The following TXLNB variants were observed in gnomAD, a reference collection of about 807,000 sequenced individuals.
The protein encoded by TXLNB is beta-taxilin.
Under a neutral mutation model 57.4 loss-of-function variants are expected in TXLNB, and 37 were observed. The observed-to-expected ratio is 0.64, with a 90% CI of 0.50 to 0.85. The LOEUF (loss-of-function observed/expected upper bound fraction) is 0.85, where lower values mean the gene tolerates loss of function less well. Among genes scored for constraint, TXLNB ranks in the 40% least tolerant of loss-of-function variants. TXLNB has a pLI of 0.00. For synonymous variants in TXLNB, 302 were observed against 309.6 expected, an observed-to-expected ratio of 0.98 and a Z score of 0.26; for missense variants, 848 against 825.6, an observed-to-expected ratio of 1.03 and a Z score of -0.33.
the TXLNB span, among the ~76,000 whole-genome samples, chr6:139,212,573 A>C: frequency 2.6e-5 from 4 of 151,540 alleles, no homozygotes; most frequent in Admixed American, 1.3e-4. Context: ...GCATCAACTA[A>C]CGAGCAAAAT....
chr6:139,294,727 C>T (rs972603862), upstream of TXLNB, among the ~76,000 whole-genome samples: 5 of 152,150 alleles, frequency 3.3e-5, no homozygotes, highest in African/African-American at 9.7e-5. Context: ...CGCTGGCTCA[C>T]GGCTGTAATA....
chr6:139,198,973 T>C, the TXLNB span, among the ~76,000 whole-genome samples: 1 of 142,596 alleles, frequency 7.0e-6, no homozygotes, highest in African/African-American at 2.5e-5. Context: ...CTTTCTTCCT[T>C]TTTTTTTTTT....
the TXLNB span, chr6:139,167,364 A>G: frequency 1.4e-6 from 2 of 1,450,382 alleles, no homozygotes; most frequent in African/African-American, 1.4e-5. Context: ...TCTGTTTGTT[A>G]AAAACCAAAC....
chr6:139,209,537 G>C, the TXLNB span, among the ~76,000 whole-genome samples: 1 of 152,016 alleles, frequency 6.6e-6, no homozygotes, highest in Non-Finnish European at 1.5e-5. Context: ...CAATGGAACA[G>C]AATAGAGAAC....
chr6:139,216,126 A>G, the TXLNB span, among the ~76,000 whole-genome samples: 1 of 152,192 alleles, frequency 6.6e-6, no homozygotes, highest in African/African-American at 2.4e-5. Flanking sequence ...ATTACTGGGT[A>G]TATACCCAAA....
chr6:139,262,323 C>A (rs1230266096), intron 5 of TXLNB, among the ~76,000 whole-genome samples: 1 of 152,212 alleles, frequency 6.6e-6, no homozygotes, highest in Non-Finnish European at 1.5e-5. Context: ...TCAAGGAAAA[C>A]TGTGCCCACA....
intron 4 of TXLNB, among the ~76,000 whole-genome samples, chr6:139,267,701 A>C: frequency 6.6e-6 from 1 of 152,212 alleles, no homozygotes; most frequent in East Asian, 1.9e-4. Context: ...GAATGAAAAG[A>C]AGTAAGATCC....
At chr6:139,320,533 G>A in the TXLNB span, among the ~76,000 whole-genome samples, 1 of 152,056 alleles carries the variant, frequency 6.6e-6, no homozygotes, top group Non-Finnish European at 1.5e-5. Flanking sequence ...ACGAGACACT[G>A]GAAATCAAAT....
intron 8 of TXLNB, among the ~76,000 whole-genome samples, chr6:139,247,215 C>T (rs576051987): frequency 9.2e-5 from 14 of 152,192 alleles, no homozygotes; most frequent in South Asian, 6.2e-4. Context: ...TGATCTCACT[C>T]GCTGCAACCT....
At chr6:139,206,444 G>A in the TXLNB span, among the ~76,000 whole-genome samples, 20 of 152,068 alleles carry the variant, frequency 1.3e-4, no homozygotes, top group Non-Finnish European at 2.2e-4. Flanking sequence ...CAAGGTGGGC[G>A]GATCACGAAG....
At chr6:139,314,280 A>T in the TXLNB span, among the ~76,000 whole-genome samples, 2 of 152,186 alleles carry the variant, frequency 1.3e-5, no homozygotes, top group South Asian at 2.1e-4. Context: ...TATTCCTCTG[A>T]AGCCTATGAC....
intron 6 of TXLNB, among the ~76,000 whole-genome samples, chr6:139,259,917 T>C (rs977394106): frequency 1.3e-5 from 2 of 152,130 alleles, no homozygotes; most frequent in East Asian, 3.9e-4. Context: ...CTAGTGCTCT[T>C]TGACCATTAT....
At chr6:139,298,483 A>G in the TXLNB span, among the ~76,000 whole-genome samples, 1 of 152,194 alleles carries the variant, frequency 6.6e-6, no homozygotes, top group African/African-American at 2.4e-5. Context: ...TTGCAGGAAT[A>G]TTGGACCTCC....
At chr6:139,166,499 A>T in the TXLNB span, 1 of 1,614,180 alleles carries the variant, frequency 6.2e-7, no homozygotes, top group Non-Finnish European at 8.5e-7. Flanking sequence ...CCGCCAGAAC[A>T]TGTGGACAAA....
the TXLNB span, among the ~76,000 whole-genome samples, chr6:139,313,955 G>A: frequency 1.3e-4 from 20 of 152,154 alleles, no homozygotes; most frequent in African/African-American, 4.8e-4. Flanking sequence ...AGGCACAGCC[G>A]ACCAGCATTA....
chr6:139,270,203 G>A (rs1776722429), intron 4 of TXLNB, among the ~76,000 whole-genome samples: 1 of 152,120 alleles, frequency 6.6e-6, no homozygotes, highest in African/African-American at 2.4e-5. Context: ...TACTGTGCGG[G>A]TACCTTACCT....
intron 4 of TXLNB, among the ~76,000 whole-genome samples, chr6:139,265,426 A>ATGTG (rs533300015): frequency 6.0e-5 from 9 of 150,168 alleles, no homozygotes; most frequent in South Asian, 2.1e-4. Flanking sequence ...GTGAGGTTGT[A>ATGTG]TGTGTGTGTG....
the TXLNB span, among the ~76,000 whole-genome samples, chr6:139,323,350 A>G: frequency 2.8e-3 from 416 of 149,526 alleles, 1 homozygote; most frequent in South Asian, 0.011. Flanking sequence ...TGGCATGATC[A>G]AGGCTCACTG....
At chr6:139,316,459 T>C in the TXLNB span, among the ~76,000 whole-genome samples, 1 of 148,316 alleles carries the variant, frequency 6.7e-6, no homozygotes, top group Admixed American at 6.7e-5. Context: ...CTGCTAGTAA[T>C]TTTTTTTTTC....
Sources: allele counts gnomAD v4.1 joint callset (sites outside exome capture counted in the v4.1 genomes callset), GRCh38; gene constraint gnomAD v4.1.1; transcripts MANE v1.5; gene names NCBI Gene and HGNC (gene_info 2026-07-23, HGNC 2026-07-21).